TNRC6C: variants seen among roughly 807,000 people sequenced by gnomAD.
The protein encoded by TNRC6C is trinucleotide repeat containing adaptor 6C, also known as trinucleotide repeat-containing gene 6C protein.
In TNRC6C, 20 loss-of-function variants were observed where a neutral mutation model predicts 153.7. The ratio of observed to expected loss-of-function variants is 0.13; its 90% confidence interval spans 0.09 to 0.19. TNRC6C has a LOEUF of 0.19. TNRC6C is among the 10% of genes least tolerant of loss of function. TNRC6C has a pLI of 1.00. For synonymous variants in TNRC6C, 811 were observed against 841.4 expected (o/e 0.96, Z 0.63); for missense variants, 1,987 against 2,172.0 (o/e 0.91, Z 1.69).
upstream of TNRC6C, among the ~76,000 whole-genome samples, chr17:78,002,908 G>A (rs1173370476): frequency 1.3e-5 from 2 of 152,074 alleles, no homozygotes; most frequent in South Asian, 2.1e-4. Flanking sequence ...AGACTCTCTA[G>A]GAAAAGAAGT....
At chr17:78,072,525 T>G (rs905646963) in intron 6 of TNRC6C, among the ~76,000 whole-genome samples, 1 of 152,198 alleles carries the variant, frequency 6.6e-6, no homozygotes, top group African/African-American at 2.4e-5. Context: ...TGTCCTTGTC[T>G]GTGGCCCTGC....
chr17:78,014,991 T>C (rs1442501751), intron 1 of TNRC6C, among the ~76,000 whole-genome samples: 1 of 152,146 alleles, frequency 6.6e-6, no homozygotes, highest in Non-Finnish European at 1.5e-5. Context: ...GAAATTGTAA[T>C]AACAAAAATA....
chr17:77,972,502 A>C (rs2070947240), intron 1 of TNRC6C, among the ~76,000 whole-genome samples: 1 of 150,300 alleles, frequency 6.7e-6, no homozygotes, highest in Admixed American at 6.6e-5. Context: ...ACAGAGCAAG[A>C]CTCTGTCTTA....
chr17:78,051,400 C>T, exon 3 of TNRC6C: 1 of 1,550,138 alleles, frequency 6.5e-7, no homozygotes, highest in African/African-American at 1.4e-5. Context: ...GACGCCGCCC[C>T]CGCACCAGGC....
At chr17:78,025,658 ATATATT>A (rs2071929128) in intron 1 of TNRC6C, among the ~76,000 whole-genome samples, 1 of 152,078 alleles carries the variant, frequency 6.6e-6, no homozygotes, top group Non-Finnish European at 1.5e-5. Flanking sequence ...GAAAATATAT[ATATATT>A]TATATTTAAG....
intron 1 of TNRC6C, among the ~76,000 whole-genome samples, chr17:78,020,181 C>T (rs2143536270): frequency 6.6e-6 from 1 of 152,312 alleles, no homozygotes; most frequent in South Asian, 2.1e-4. Flanking sequence ...AGTGAGGCTT[C>T]TCTTCCCTTT....
chr17:78,096,250 C>CG (rs1271871867), intron 16 of TNRC6C, among the ~76,000 whole-genome samples: 1 of 152,068 alleles, frequency 6.6e-6, no homozygotes, highest in African/African-American at 2.4e-5. Context: ...CAGCAGACAC[C>CG]GGGGCCTGCT....
intron 16 of TNRC6C, among the ~76,000 whole-genome samples, chr17:78,095,557 A>C (rs980387396): frequency 1.3e-5 from 2 of 152,184 alleles, no homozygotes; most frequent in African/African-American, 4.8e-5. Flanking sequence ...ACTTGTACAC[A>C]GACATCAGTA....
At chr17:77,972,783 C>T (rs181333705) in intron 1 of TNRC6C, among the ~76,000 whole-genome samples, 8 of 152,294 alleles carry the variant, frequency 5.3e-5, no homozygotes, top group African/African-American at 1.9e-4. Context: ...ACACATAGAA[C>T]TAATACCAAG....
At chr17:78,046,659 T>C (rs1232032638) in intron 2 of TNRC6C, among the ~76,000 whole-genome samples, 1 of 152,236 alleles carries the variant, frequency 6.6e-6, no homozygotes, top group Non-Finnish European at 1.5e-5. Flanking sequence ...GATGATACAA[T>C]GTCCAAGGTC....
At chr17:78,061,590 G>A (rs779567250) in intron 3 of TNRC6C, among the ~76,000 whole-genome samples, 2 of 152,138 alleles carry the variant, frequency 1.3e-5, no homozygotes, top group African/African-American at 2.4e-5. Flanking sequence ...CAGGAGGATC[G>A]CTTGAATCTA....
intron 1 of TNRC6C, among the ~76,000 whole-genome samples, chr17:77,999,059 C>G (rs1431243255): frequency 6.6e-6 from 1 of 152,174 alleles, no homozygotes; most frequent in Non-Finnish European, 1.5e-5. Context: ...GTGTTGACAT[C>G]GTAGTTCAGA....
chr17:78,080,078 A>G (rs1426968817), intron 10 of TNRC6C, among the ~76,000 whole-genome samples: 1 of 152,202 alleles, frequency 6.6e-6, no homozygotes, highest in Non-Finnish European at 1.5e-5. Flanking sequence ...TCAGAATTAG[A>G]TCATTTTTGC....
intron 2 of TNRC6C, among the ~76,000 whole-genome samples, chr17:78,045,142 T>C (rs1449287689): frequency 6.6e-6 from 1 of 152,090 alleles, no homozygotes; most frequent in African/African-American, 2.4e-5. Flanking sequence ...GAGCACATTA[T>C]TGTGGGTGGG....
intron 1 of TNRC6C, among the ~76,000 whole-genome samples, chr17:77,970,384 C>T (rs2070931019): frequency 6.6e-6 from 1 of 152,138 alleles, no homozygotes; most frequent in Non-Finnish European, 1.5e-5. Context: ...TAGCTGGGAC[C>T]ACAGGCATGC....
chr17:78,011,993 C>T (rs527762511), intron 1 of TNRC6C: 6 of 152,148 alleles, frequency 3.9e-5, no homozygotes, highest in Admixed American at 2.6e-4. Flanking sequence ...TATTTATTTT[C>T]TTTTTCCAGA....
chr17:78,077,258 ACAGTGCACTCCC>A, exon 9 of TNRC6C: 1 of 1,599,388 alleles, frequency 6.3e-7, no homozygotes, highest in Non-Finnish European at 8.5e-7. Context: ...CCCCTTTCAC[ACAGTGCACTCCC>A]CAGTCAGGCC....
chr17:78,045,466 G>T (rs894219134), intron 2 of TNRC6C, among the ~76,000 whole-genome samples: 3 of 152,142 alleles, frequency 2.0e-5, no homozygotes, highest in Admixed American at 2.0e-4. Flanking sequence ...ACACCTCAAA[G>T]CCCGGGAAGG....
At chr17:78,047,948 A>C (rs997189064) in intron 2 of TNRC6C, among the ~76,000 whole-genome samples, 1 of 152,122 alleles carries the variant, frequency 6.6e-6, no homozygotes, top group African/African-American at 2.4e-5. Flanking sequence ...AGATCCAAAC[A>C]GGGGATTCTT....
Sources: allele counts gnomAD v4.1 joint callset (sites outside exome capture counted in the v4.1 genomes callset), GRCh38; gene constraint gnomAD v4.1.1; transcripts MANE v1.5; gene names NCBI Gene and HGNC (gene_info 2026-07-23, HGNC 2026-07-21).